SCAPER: variants seen among roughly 807,000 people sequenced by gnomAD.
The protein encoded by SCAPER is S-phase cyclin A associated protein in the ER, also known as S phase cyclin A-associated protein in the endoplasmic reticulum.
A neutral mutation model predicts 182.2 loss-of-function variants in SCAPER; 98 were observed. That is an observed-to-expected ratio of 0.54 (90% confidence interval 0.46 to 0.64). The LOEUF (loss-of-function observed/expected upper bound fraction) is 0.64, where lower values mean the gene tolerates loss of function less well. SCAPER is among the 30% of genes least tolerant of loss of function. SCAPER has a pLI of 0.00. For missense variants in SCAPER, 1,432 were observed against 1,690.0 expected (o/e 0.85, Z 2.68); for synonymous variants, 605 against 564.6 (o/e 1.07, Z -1.01).
intron 5 of SCAPER, among the ~76,000 whole-genome samples, 175 bp from the exon 6 acceptor site, chr15:76,804,808 A>G (rs974837228): frequency 3.3e-5 from 5 of 152,196 alleles, no homozygotes; most frequent in African/African-American, 1.2e-4. Flanking sequence ...AATAAGAAAT[A>G]TAATAGGTTG....
At chr15:76,656,018 C>A (rs1380510900) in intron 21 of SCAPER, among the ~76,000 whole-genome samples, 1 of 152,134 alleles carries the variant, frequency 6.6e-6, no homozygotes, top group East Asian at 1.9e-4. Context: ...TGCATAATAA[C>A]CAGCTAACAA....
intron 8 of SCAPER, among the ~76,000 whole-genome samples, chr15:76,792,913 A>G (rs949746758): frequency 6.6e-6 from 1 of 152,236 alleles, no homozygotes; most frequent in Non-Finnish European, 1.5e-5. Context: ...GCTACATAGA[A>G]ATAGATATTG....
rs1225285675 is a variant in SCAPER at position 76,574,216 on chromosome 15, T to C, written c.2780A>G (p.Asn927Ser). The C allele has an allele frequency of 7.4e-6, 12 of 1,611,524 alleles. No homozygotes were observed. Among genetic ancestry groups the C allele is most frequent in the African/African-American group, 1.3e-5 (1 of 74,896 alleles). ...GGTCCGATCCAAAGCAGACACTTTA[T>C]TGTTTGCCCATGAGCCACTGTCTTG... Reference protein sequence around the residue: ...QVQDSGSWANNKVSALDRTLG... With the variant: ...QVQDSGSWANSKVSALDRTLG... The change falls in exon 23 of 32, where the codon AAT becomes AGT. Residue 927 changes from asparagine (N) to serine (S), a missense_variant. By Grantham distance (46) the Asn-to-Ser change is conservative. Coordinates refer to ENST00000563290, the MANE Select transcript of SCAPER (RefSeq NM_020843.4).
intron 24 of SCAPER, among the ~76,000 whole-genome samples, chr15:76,473,669 C>T (rs1435851809): frequency 1.3e-5 from 2 of 152,180 alleles, no homozygotes; most frequent in East Asian, 3.8e-4. Flanking sequence ...ACCTAGTAAA[C>T]AGCAGCTCTG....
In SCAPER at chr15:76,546,348, ATC is replaced by A. The variant is rs572592944; in HGVS notation, c.2838+27808_2838+27809del. Reference sequence around the variant, plus strand: ...CAAAATCTATGTACCTACTGTCTACATCTAAAGATGTTTTTTCAACTGTGCTT... The same window carrying A: ...CAAAATCTATGTACCTACTGTCTACATAAAGATGTTTTTTCAACTGTGCTT... On this transcript the variant is annotated intron_variant, in intron 23 of 31. Transcript: ENST00000563290. Among the ~76,000 whole-genome samples the A allele has an allele frequency of 2.1e-3, 325 of 152,224 alleles. 3 individuals are homozygous for A. The highest frequency in any genetic ancestry group is 7.2e-3 in the African/African-American group (301 of 41,542).
intron 2 of SCAPER, among the ~76,000 whole-genome samples, chr15:76,866,626 G>C (rs2072321056): frequency 6.6e-6 from 1 of 152,020 alleles, no homozygotes; most frequent in African/African-American, 2.4e-5. Flanking sequence ...TCATTTTAAA[G>C]CACAGATGCT....
chr15:76,482,073 C>CTTTT (rs983396359), intron 24 of SCAPER, among the ~76,000 whole-genome samples: 1 of 149,698 alleles, frequency 6.7e-6, no homozygotes, highest in African/African-American at 2.5e-5. Context: ...CTGAATGTCA[C>CTTTT]TTTTTTTTTT....
chr15:76,538,530 C>A lies in SCAPER; in HGVS notation c.2839-33556G>T, dbSNP rs2044413035. Among the ~76,000 whole-genome samples, 8 of 151,930 alleles carry A rather than the reference C, an allele frequency of 5.3e-5. No individual in the cohort carries two copies. In the South Asian group the frequency reaches 1.7e-3, roughly 32 times the overall value. On this transcript the variant is annotated intron_variant, in intron 23 of 31. Transcript: ENST00000563290. ...GAATTGAACAATGAGAACACATGGA[C>A]ACAGGAAGGGGAACATCACACTCTG... is the stretch of plus-strand genomic sequence containing the variant.
intron 27 of SCAPER, among the ~76,000 whole-genome samples, chr15:76,394,254 T>C (rs2043899854): frequency 6.6e-6 from 1 of 152,140 alleles, no homozygotes; most frequent in Non-Finnish European, 1.5e-5. Flanking sequence ...TAAGGAGAGA[T>C]GGTTTAAGCA....
chr15:76,619,862 G>T (rs1275467032), intron 22 of SCAPER, among the ~76,000 whole-genome samples: 1 of 152,148 alleles, frequency 6.6e-6, no homozygotes, highest in East Asian at 1.9e-4. Flanking sequence ...CAGACTGCCT[G>T]AGCGCAGGAG....
chr15:76,498,577 T>C (rs575695361), intron 24 of SCAPER: 2 of 152,342 alleles, frequency 1.3e-5, no homozygotes, highest in East Asian at 1.9e-4. Context: ...GTTGTAGTCA[T>C]ACCCCAATGT....
chr15:76,753,728 T>C, intron 15 of SCAPER, 80 bp downstream of exon 15: 4 of 1,437,106 alleles, frequency 2.8e-6, no homozygotes, highest in Non-Finnish European at 3.8e-6. Flanking sequence ...TGGATAAACA[T>C]TATCTTCTAT....
At chr15:76,712,077 T>C (rs1246434434) in intron 17 of SCAPER, among the ~76,000 whole-genome samples, 4 of 152,182 alleles carry the variant, frequency 2.6e-5, no homozygotes, top group Admixed American at 6.5e-5. Flanking sequence ...TTAGGTCTGA[T>C]ATTTAAGTCC....
chr15:76,706,823 A>AAAAT lies in SCAPER; in HGVS notation c.2166-843_2166-840dup, dbSNP rs549260722. Among the ~76,000 whole-genome samples the AAAAT allele has an allele frequency of 8.0e-4, 122 of 152,234 alleles. 2 individuals are homozygous for AAAAT. The South Asian group carries it at 0.015, about 18-fold the overall frequency. On this transcript the variant is annotated intron_variant, in intron 17 of 31. Transcript: ENST00000563290. Reference sequence around the variant, plus strand: ...CCCAGAATTTAAAGTACAATAAATTAAAATAAATAAATAAATAAAAAGAAA... The same window carrying AAAAT: ...CCCAGAATTTAAAGTACAATAAATTAAAATAAATAAATAAATAAATAAAAAGAAA...
At chr15:76,742,064 G>C (rs761713192) in intron 15 of SCAPER, among the ~76,000 whole-genome samples, 17 of 152,094 alleles carry the variant, frequency 1.1e-4, no homozygotes, top group Non-Finnish European at 2.1e-4. Flanking sequence ...TTAGAGAGTA[G>C]AGAGAAAATT....
chr15:76,823,243 G>A (rs771345321), intron 5 of SCAPER, among the ~76,000 whole-genome samples: 9 of 152,156 alleles, frequency 5.9e-5, no homozygotes, highest in Non-Finnish European at 1.0e-4. Context: ...TGGATCATGT[G>A]AGGTCAGGAG....
intron 21 of SCAPER, among the ~76,000 whole-genome samples, chr15:76,637,786 G>A (rs868705569): frequency 8.2e-5 from 8 of 97,944 alleles, no homozygotes; most frequent in South Asian, 2.9e-4. Flanking sequence ...GTGTGTGTGT[G>A]TGTGTGTGTG....
At chr15:76,709,251 C>T (rs1244716241) in intron 17 of SCAPER, among the ~76,000 whole-genome samples, 2 of 152,150 alleles carry the variant, frequency 1.3e-5, no homozygotes, top group Non-Finnish European at 2.9e-5. Context: ...CCTGCCTCAG[C>T]CTCCCAAGTA....
chr15:76,387,921 C>A (rs2043395900), intron 27 of SCAPER, among the ~76,000 whole-genome samples: 1 of 152,098 alleles, frequency 6.6e-6, no homozygotes, highest in Admixed American at 6.6e-5. Context: ...AAATTAGGTG[C>A]CTACCAGTTC....
Sources: allele counts gnomAD v4.1 joint callset (sites outside exome capture counted in the v4.1 genomes callset), GRCh38; gene constraint gnomAD v4.1.1; transcripts MANE v1.5; gene names NCBI Gene and HGNC (gene_info 2026-07-23, HGNC 2026-07-21).